Variants in CNTNAP2 observed in about 807,000 individuals in gnomAD.
CNTNAP2 encodes the protein contactin-associated protein-like 2.
In CNTNAP2, 98 loss-of-function variants were observed where a neutral mutation model predicts 155.2. The observed-to-expected ratio is 0.63, with a 90% confidence interval of 0.54 to 0.75. The LOEUF (loss-of-function observed/expected upper bound fraction) is 0.75, where lower values mean the gene tolerates loss of function less well. Ranked by LOEUF, CNTNAP2 falls within the 30% of genes least tolerant of loss-of-function variation. The probability of loss-of-function intolerance (pLI) is 0.00; values close to 1 mark genes in which losing one functional copy is unlikely to be tolerated. For missense variants in CNTNAP2, 1,727 were observed against 1,688.1 expected, an observed-to-expected ratio of 1.02 and a Z score of -0.40; for synonymous variants, 651 against 631.2, an observed-to-expected ratio of 1.03 and a Z score of -0.47.
intron 12 of CNTNAP2, among the ~76,000 whole-genome samples, chr7:147,600,842 A>G (rs540558550): frequency 2.6e-5 from 4 of 152,212 alleles, no homozygotes; most frequent in African/African-American, 9.6e-5. Context: ...ATCATTGCAC[A>G]TTGATTACTG....
intron 1 of CNTNAP2, among the ~76,000 whole-genome samples, chr7:146,155,351 G>T (rs978991320): frequency 2.6e-5 from 4 of 152,132 alleles, no homozygotes; most frequent in African/African-American, 4.8e-5. Context: ...AAATTAAAGT[G>T]ATATTTCAGA....
At chr7:147,434,713 TTTC>T (rs1231764374) in intron 10 of CNTNAP2, among the ~76,000 whole-genome samples, 9 of 152,192 alleles carry the variant, frequency 5.9e-5, no homozygotes, top group Non-Finnish European at 8.8e-5. Context: ...AGTTAAGTGG[TTTC>T]TTTAGTGTTC....
chr7:147,130,831 C>T (rs1182482271), intron 7 of CNTNAP2, among the ~76,000 whole-genome samples: 3 of 152,018 alleles, frequency 2.0e-5, no homozygotes. Flanking sequence ...AGACAATCCC[C>T]TCAAAAGAGG....
intron 9 of CNTNAP2, among the ~76,000 whole-genome samples, chr7:147,363,641 C>T (rs1367991069): frequency 6.6e-6 from 1 of 152,168 alleles, no homozygotes. Context: ...GCATATATTG[C>T]TATCAACTCA....
At chr7:146,596,612 AG>A (rs1441472752) in intron 1 of CNTNAP2, among the ~76,000 whole-genome samples, 1 of 145,738 alleles carries the variant, frequency 6.9e-6, no homozygotes, top group African/African-American at 2.6e-5. Context: ...AGAGAGAGAG[AG>A]AGAGAGAGAG....
At chr7:147,977,471 G>C (rs11767010) in intron 14 of CNTNAP2, among the ~76,000 whole-genome samples, 55,566 of 152,018 alleles carry the variant, frequency 0.37, 12,170 homozygotes, top group Middle Eastern at 0.63. Context: ...TTCAAATAGG[G>C]TTTTGTTTCA....
intron 13 of CNTNAP2, among the ~76,000 whole-genome samples, chr7:147,863,680 GTGA>G (rs1264688359): frequency 1.3e-5 from 2 of 152,102 alleles, no homozygotes; most frequent in Non-Finnish European, 2.9e-5. Context: ...CTGATGGTCA[GTGA>G]TGATGAGCAT....
At chr7:148,322,287 A>G (rs1797805810) in intron 21 of CNTNAP2, among the ~76,000 whole-genome samples, 1 of 152,156 alleles carries the variant, frequency 6.6e-6, no homozygotes, top group Non-Finnish European at 1.5e-5. Flanking sequence ...CCTTGTAACC[A>G]TATGCCAACC....
At chr7:146,777,727 G>T (rs374633103) in intron 2 of CNTNAP2, among the ~76,000 whole-genome samples, 7 of 151,950 alleles carry the variant, frequency 4.6e-5, no homozygotes, top group African/African-American at 1.7e-4. Context: ...ACCATGCCTG[G>T]CTGATTTTTG....
At chr7:146,880,059 T>C (rs1795511711) in intron 3 of CNTNAP2, among the ~76,000 whole-genome samples, 2 of 152,066 alleles carry the variant, frequency 1.3e-5, no homozygotes, top group African/African-American at 2.4e-5. Flanking sequence ...GATTCAATTA[T>C]TTCCCACCTG....
intron 21 of CNTNAP2, among the ~76,000 whole-genome samples, chr7:148,274,389 A>T (rs1796834895): frequency 6.6e-6 from 1 of 151,932 alleles, no homozygotes; most frequent in Non-Finnish European, 1.5e-5. Context: ...TTGATCTCTG[A>T]TATAGTTTGG....
At chr7:147,280,147 G>A (rs1168529869) in intron 8 of CNTNAP2, among the ~76,000 whole-genome samples, 1 of 151,848 alleles carries the variant, frequency 6.6e-6, no homozygotes, top group Non-Finnish European at 1.5e-5. Context: ...TTACCAGAGT[G>A]GGAAAGCCGC....
At chr7:148,252,726 C>T (rs1054644311) in intron 20 of CNTNAP2, among the ~76,000 whole-genome samples, 2 of 152,056 alleles carry the variant, frequency 1.3e-5, no homozygotes, top group Admixed American at 1.3e-4. Context: ...AGTCTTTCTG[C>T]TTTCACCCCA....
At chr7:148,341,843 C>A (rs1798241726) in intron 21 of CNTNAP2, among the ~76,000 whole-genome samples, 2 of 152,142 alleles carry the variant, frequency 1.3e-5, no homozygotes, top group African/African-American at 2.4e-5. Context: ...TTCCCAGAAA[C>A]CATACTCCAC....
At chr7:147,597,162 C>T (rs952970931) in intron 12 of CNTNAP2, among the ~76,000 whole-genome samples, 8 of 152,158 alleles carry the variant, frequency 5.3e-5, no homozygotes, top group African/African-American at 1.9e-4. Flanking sequence ...AATAAAATTG[C>T]TTTCACTTTA....
chr7:146,577,606 T>C (rs1252383780), intron 1 of CNTNAP2, among the ~76,000 whole-genome samples: 1 of 152,006 alleles, frequency 6.6e-6, no homozygotes, highest in Non-Finnish European at 1.5e-5. Flanking sequence ...AAAGTGGATT[T>C]CTCTGTGAAT....
At chr7:147,178,781 T>C (rs1397974286) in intron 8 of CNTNAP2, among the ~76,000 whole-genome samples, 2 of 152,204 alleles carry the variant, frequency 1.3e-5, no homozygotes, top group Admixed American at 1.3e-4. Context: ...GAATTTTTAA[T>C]TTCTTGATGT....
intron 1 of CNTNAP2, among the ~76,000 whole-genome samples, chr7:146,320,203 CATAT>C: frequency 6.6e-6 from 1 of 151,984 alleles, no homozygotes; most frequent in Non-Finnish European, 1.5e-5. Flanking sequence ...AATAAATCAT[CATAT>C]ATTTAATTTT....
chr7:147,264,388 C>G (rs1423048807), intron 8 of CNTNAP2, among the ~76,000 whole-genome samples: 1 of 151,878 alleles, frequency 6.6e-6, no homozygotes, highest in African/African-American at 2.4e-5. Context: ...TTTTTAGACC[C>G]TCCTCTGTGA....
Sources: allele counts gnomAD v4.1 joint callset (sites outside exome capture counted in the v4.1 genomes callset), GRCh38; gene constraint gnomAD v4.1.1; transcripts MANE v1.5; gene names NCBI Gene and HGNC (gene_info 2026-07-23, HGNC 2026-07-21).